EGFLAM: variants seen among roughly 807,000 people sequenced by gnomAD.
EGFLAM encodes pikachurin.
EGFLAM carries 79 observed loss-of-function variants against 113.1 expected under a neutral mutation model. That is an observed-to-expected ratio of 0.70 (90% confidence interval 0.58 to 0.84). EGFLAM has a LOEUF of 0.84. Among genes scored for constraint, EGFLAM ranks in the 40% least tolerant of loss-of-function variants. The pLI is 0.00. For missense variants in EGFLAM, 1,265 were observed against 1,291.6 expected (o/e 0.98, Z 0.32); for synonymous variants, 504 against 487.6 (o/e 1.03, Z -0.44).
intron 1 of EGFLAM, among the ~76,000 whole-genome samples, chr5:38,318,063 T>A (rs1438682863): frequency 1.3e-5 from 2 of 152,118 alleles, no homozygotes; most frequent in Non-Finnish European, 2.9e-5. Context: ...CAGGTTTCTG[T>A]TATTGATTTT....
chr5:38,442,669 G>C (rs895292289), intron 17 of EGFLAM, among the ~76,000 whole-genome samples: 5 of 152,064 alleles, frequency 3.3e-5, no homozygotes. Context: ...GCTGTTCCCA[G>C]TCCCTCATTC....
At chr5:38,395,865 T>C (rs1362581398) in intron 6 of EGFLAM, among the ~76,000 whole-genome samples, 1 of 152,142 alleles carries the variant, frequency 6.6e-6, no homozygotes, top group East Asian at 1.9e-4. Context: ...CAATTTTCGG[T>C]TAGTTACCCT....
intron 3 of EGFLAM, among the ~76,000 whole-genome samples, chr5:38,341,617 G>T (rs1490469741): frequency 6.6e-6 from 1 of 152,176 alleles, no homozygotes; most frequent in Non-Finnish European, 1.5e-5. Context: ...TTTTGGCATA[G>T]AGATGCTATA....
intron 6 of EGFLAM, among the ~76,000 whole-genome samples, chr5:38,376,008 A>G (rs1375753403): frequency 6.6e-6 from 1 of 152,182 alleles, no homozygotes; most frequent in African/African-American, 2.4e-5. Context: ...GAGGAAATTC[A>G]AAGAAGACCC....
At chr5:38,263,474 C>T (rs1757554263) in intron 1 of EGFLAM, among the ~76,000 whole-genome samples, 3 of 152,052 alleles carry the variant, frequency 2.0e-5, no homozygotes, top group African/African-American at 7.2e-5. Context: ...AAAAAAGAAA[C>T]AAAAAACATT....
At chr5:38,378,819 T>C (rs1361713576) in intron 6 of EGFLAM, among the ~76,000 whole-genome samples, 2 of 152,188 alleles carry the variant, frequency 1.3e-5, no homozygotes, top group Non-Finnish European at 2.9e-5. Context: ...ATCTCTAAGA[T>C]GGGTACAGTA....
At chr5:38,448,168 A>C (rs1742781371) in intron 17 of EGFLAM, 133 bp from the exon 18 acceptor site, 3 of 964,698 alleles carry the variant, frequency 3.1e-6, no homozygotes, top group Non-Finnish European at 3.2e-6. Flanking sequence ...ATATGCGTGC[A>C]GCCGAAGGGA....
intron 17 of EGFLAM, among the ~76,000 whole-genome samples, chr5:38,447,372 A>G (rs1255359715): frequency 6.6e-6 from 1 of 151,948 alleles, no homozygotes; most frequent in African/African-American, 2.4e-5. Context: ...CATGCTTTCT[A>G]CTCCTCACTT....
At chr5:38,371,590 A>G (rs891149004) in intron 6 of EGFLAM, among the ~76,000 whole-genome samples, 6 of 151,906 alleles carry the variant, frequency 3.9e-5, no homozygotes, top group African/African-American at 1.5e-4. Flanking sequence ...TAGGGAGGCT[A>G]TACTCCAAAA....
chr5:38,412,765 T>G, intron 11 of EGFLAM, 117 bp downstream of exon 11: 1 of 1,422,534 alleles, frequency 7.0e-7, no homozygotes, highest in African/African-American at 1.4e-5. Flanking sequence ...CTGGATGGGC[T>G]TGGTAAGGCC....
At chr5:38,377,306 T>A (rs916697944) in intron 6 of EGFLAM, among the ~76,000 whole-genome samples, 1 of 151,872 alleles carries the variant, frequency 6.6e-6, no homozygotes, top group Non-Finnish European at 1.5e-5. Flanking sequence ...CCCTGCTAAT[T>A]TTTTTATTAT....
intron 6 of EGFLAM, among the ~76,000 whole-genome samples, chr5:38,398,376 G>A (rs1183388775): frequency 6.6e-6 from 1 of 152,216 alleles, no homozygotes; most frequent in Non-Finnish European, 1.5e-5. Context: ...GGATTTTACA[G>A]TCTGGTGGGA....
At chr5:38,357,869 T>C (rs966333185) in intron 5 of EGFLAM, among the ~76,000 whole-genome samples, 7 of 151,772 alleles carry the variant, frequency 4.6e-5, no homozygotes, top group African/African-American at 1.7e-4. Context: ...ATTTTCTTTT[T>C]TTTTTTTTTT....
chr5:38,418,369 C>A, intron 12 of EGFLAM, 114 bp downstream of exon 12: 3 of 1,328,758 alleles, frequency 2.3e-6, no homozygotes, highest in Non-Finnish European at 3.1e-6. Context: ...CCCTGGGAAG[C>A]TGGTACCTTC....
At chr5:38,270,563 C>T (rs935230038) in intron 1 of EGFLAM, among the ~76,000 whole-genome samples, 1 of 151,976 alleles carries the variant, frequency 6.6e-6, no homozygotes, top group Non-Finnish European at 1.5e-5. Context: ...CAACCTACAC[C>T]CATAATACAC....
intron 11 of EGFLAM, among the ~76,000 whole-genome samples, chr5:38,415,478 A>C (rs1741612811): frequency 6.6e-6 from 1 of 152,186 alleles, no homozygotes; most frequent in East Asian, 1.9e-4. Context: ...AACTCAGCCT[A>C]GCCTAGGCAA....
chr5:38,297,657 C>G (rs1579741199), intron 1 of EGFLAM, among the ~76,000 whole-genome samples: 1 of 152,118 alleles, frequency 6.6e-6, no homozygotes, highest in Non-Finnish European at 1.5e-5. Context: ...AGCCTGTCCT[C>G]GGCAGCAATT....
At chr5:38,391,791 T>C (rs977096562) in intron 6 of EGFLAM, among the ~76,000 whole-genome samples, 1 of 151,950 alleles carries the variant, frequency 6.6e-6, no homozygotes, top group African/African-American at 2.4e-5. Context: ...TTTTCTTTTT[T>C]TTGCAGACAC....
At chr5:38,342,132 C>T (rs1019464251) in intron 3 of EGFLAM, among the ~76,000 whole-genome samples, 1 of 152,182 alleles carries the variant, frequency 6.6e-6, no homozygotes, top group Non-Finnish European at 1.5e-5. Flanking sequence ...AGTGTAAGCA[C>T]AGACAGCTGA....
Sources: gnomAD v4.1 joint callset for allele counts (sites outside exome capture counted in the v4.1 genomes callset) on GRCh38, gnomAD v4.1.1 for gene constraint, MANE v1.5 for transcripts, NCBI Gene and HGNC (gene_info 2026-07-23, HGNC 2026-07-21) for gene names.